Variants in PPP2R5A observed in about 807,000 individuals in gnomAD.
PPP2R5A encodes serine/threonine-protein phosphatase 2A 56 kDa regulatory subunit alpha isoform.
Under a neutral mutation model 64.2 loss-of-function variants are expected in PPP2R5A, and 25 were observed. The ratio of observed to expected loss-of-function variants is 0.39; its 90% confidence interval spans 0.28 to 0.54. The LOEUF is 0.54. PPP2R5A is among the 20% of genes least tolerant of loss of function. The probability of loss-of-function intolerance (pLI) is 0.67; values close to 1 mark genes in which losing one functional copy is unlikely to be tolerated. For missense variants in PPP2R5A, 425 were observed against 576.3 expected (o/e 0.74, Z 2.69); for synonymous variants, 198 against 201.2 (o/e 0.98, Z 0.13).
At chr1:212,331,383 G>A (rs1318089878) in intron 2 of PPP2R5A, 1 of 147,668 alleles carries the variant, frequency 6.8e-6, no homozygotes, top group East Asian at 2.0e-4. Flanking sequence ...TGCCCAGGCT[G>A]GTCTCAAACT....
chr1:212,306,772 T>TATTTATTG (rs1553273911), intron 1 of PPP2R5A: 10 of 149,832 alleles, frequency 6.7e-5, no homozygotes, highest in African/African-American at 2.3e-4. Context: ...TTTATTTATT[T>TATTTATTG]ATTGAAACAG....
chr1:212,341,002 T>C (rs761863029), intron 3 of PPP2R5A, among the ~76,000 whole-genome samples: 1 of 152,210 alleles, frequency 6.6e-6, no homozygotes, highest in Non-Finnish European at 1.5e-5. Flanking sequence ...AGAATCCTCC[T>C]TTTTTATTTT....
intron 1 of PPP2R5A, among the ~76,000 whole-genome samples, chr1:212,294,732 G>T (rs541726337): frequency 6.6e-6 from 1 of 152,182 alleles, no homozygotes; most frequent in South Asian, 2.1e-4. Flanking sequence ...TAAGCAGGCA[G>T]TTGCAATTAA....
chr1:212,294,478 A>AC (rs1177709282), intron 1 of PPP2R5A, among the ~76,000 whole-genome samples: 3 of 152,184 alleles, frequency 2.0e-5, no homozygotes, highest in Non-Finnish European at 4.4e-5. Flanking sequence ...AACAACAAAA[A>AC]CGTGCCCTAC....
chr1:212,326,723 G>A (rs1000561361), intron 1 of PPP2R5A, among the ~76,000 whole-genome samples: 1 of 152,182 alleles, frequency 6.6e-6, no homozygotes, highest in Admixed American at 6.5e-5. Context: ...ATAAAGCAGA[G>A]AGTCATTATT....
chr1:212,318,777 TATAAC>T (rs1659206633), intron 1 of PPP2R5A, among the ~76,000 whole-genome samples: 1 of 152,202 alleles, frequency 6.6e-6, no homozygotes, highest in African/African-American at 2.4e-5. Context: ...CCTTAAATAA[TATAAC>T]AACTGTTTAC....
intron 6 of PPP2R5A, 30 bp from the exon 7 acceptor site, chr1:212,348,359 A>T: frequency 7.1e-7 from 1 of 1,403,668 alleles, no homozygotes; most frequent in Non-Finnish European, 1.0e-6. Flanking sequence ...GTAACTACTT[A>T]ACCCTTCCCC....
chr1:212,338,013 G>C (rs1013819682), intron 3 of PPP2R5A, among the ~76,000 whole-genome samples: 2 of 152,260 alleles, frequency 1.3e-5, no homozygotes, highest in Non-Finnish European at 2.9e-5. Flanking sequence ...TGTATTACTT[G>C]AAAGCAGCCT....
intron 4 of PPP2R5A, among the ~76,000 whole-genome samples, chr1:212,344,701 T>A (rs1353548553): frequency 6.6e-6 from 1 of 152,190 alleles, no homozygotes; most frequent in Non-Finnish European, 1.5e-5. Flanking sequence ...TTCTTTACCA[T>A]TTTAAATGGA....
At chr1:212,319,849 C>T (rs1181790893) in intron 1 of PPP2R5A, among the ~76,000 whole-genome samples, 1 of 151,636 alleles carries the variant, frequency 6.6e-6, no homozygotes, top group Non-Finnish European at 1.5e-5. Context: ...TCTCAAATTC[C>T]TGACCTCAGG....
At chr1:212,347,257 C>A in intron 5 of PPP2R5A, 90 bp from the exon 6 acceptor site, 2 of 928,146 alleles carry the variant, frequency 2.2e-6, no homozygotes, top group East Asian at 2.5e-5. Flanking sequence ...AATAGCTGTC[C>A]TTTGGATTGA....
In PPP2R5A at chr1:212,347,749, T is replaced by C. The variant is rs908334425; in HGVS notation, c.764+343T>C. 6.6e-5 allele frequency among the ~76,000 whole-genome samples: 10 copies of C among 152,150 alleles called. No individual in the cohort carries two copies. The East Asian group carries it at 1.9e-3, about 29-fold the overall frequency. The stretch of plus-strand genomic sequence containing the variant: ...TTAGTAGCGATGGGGTTTCACCGTG[T>C]TGGCCAGGCTGGTCTTGAACTCCTG... On this transcript the variant is annotated intron_variant, in intron 6 of 12. Transcript: ENST00000261461.
intron 12 of PPP2R5A, 98 bp from the exon 13 acceptor site, chr1:212,360,540 T>C (rs1182082390): frequency 9.4e-7 from 1 of 1,059,330 alleles, no homozygotes; most frequent in East Asian, 2.7e-5. Context: ...TTAAGTGAAA[T>C]GTGGGTAAGT....
intron 1 of PPP2R5A, among the ~76,000 whole-genome samples, chr1:212,287,092 A>C (rs978589954): frequency 6.6e-6 from 1 of 152,108 alleles, no homozygotes; most frequent in Admixed American, 6.5e-5. Flanking sequence ...CAGGAATTCA[A>C]ATTGGTATCC....
intron 1 of PPP2R5A, chr1:212,302,227 A>AT (rs1658810932): frequency 2.5e-6 from 2 of 804,346 alleles, no homozygotes; most frequent in South Asian, 4.3e-5. Flanking sequence ...AAAACTACAA[A>AT]TTATCTTACT....
chr1:212,356,813 T>C, intron 9 of PPP2R5A, 137 bp downstream of exon 9: 1 of 1,274,030 alleles, frequency 7.8e-7, no homozygotes, highest in Non-Finnish European at 1.1e-6. Context: ...AGAAGACCTG[T>C]GCTATAGTAA....
rs368910993 is a variant in PPP2R5A, at chr1:212,334,798, T to C, written c.480+1200T>C. 5.3e-5 allele frequency among the ~76,000 whole-genome samples: 8 copies of C among 152,348 alleles called. No individual in the cohort carries two copies. In the East Asian group the frequency reaches 1.2e-3, roughly 22 times the overall value. On this transcript the variant is annotated intron_variant, in intron 3 of 12. Transcript: ENST00000261461. ...CATCATGTATGTGAAAAGTCGTTTTTCTTTTGCTGCTATAAATGTTATCTC... is the reference window on the plus strand; with the variant it reads ...CATCATGTATGTGAAAAGTCGTTTTCCTTTTGCTGCTATAAATGTTATCTC...
intron 1 of PPP2R5A, among the ~76,000 whole-genome samples, chr1:212,294,593 G>A (rs1493601): frequency 0.15 from 23,472 of 152,046 alleles, 2,512 homozygotes; most frequent in East Asian, 0.37. Flanking sequence ...CCTTTCTTTG[G>A]TTTTCCATAG....
At chr1:212,357,805 A>AAAT (rs1660006692) in intron 11 of PPP2R5A, 1 of 147,868 alleles carries the variant, frequency 6.8e-6, no homozygotes, top group Non-Finnish European at 1.5e-5. Context: ...TCCGTCTCCA[A>AAAT]AAAAAAAAAA....
Sources: allele counts gnomAD v4.1 joint callset (sites outside exome capture counted in the v4.1 genomes callset), GRCh38; gene constraint gnomAD v4.1.1; transcripts MANE v1.5; gene names NCBI Gene and HGNC (gene_info 2026-07-23, HGNC 2026-07-21).